The following UGT1A10 variants were observed in gnomAD, a reference collection of about 807,000 sequenced individuals.
The protein encoded by UGT1A10 is UDP glucuronosyltransferase family 1 member A10.
In UGT1A10, 49 loss-of-function variants were observed where a neutral mutation model predicts 45.8. The ratio of observed to expected loss-of-function variants is 1.07; its 90% CI spans 0.85 to 1.36. The LOEUF (loss-of-function observed/expected upper bound fraction) is 1.36. Among genes scored for constraint, UGT1A10 ranks in the 40% most tolerant of loss-of-function variants. The pLI is 0.00. For synonymous variants in UGT1A10, 284 were observed against 249.7 expected (o/e 1.14, Z -1.29); for missense variants, 745 against 668.6 (o/e 1.11, Z -1.26).
At chr2:233,678,492 TTA>T (rs2074418738) in intron 1 of UGT1A10, among the ~76,000 whole-genome samples, 1 of 152,138 alleles carries the variant, frequency 6.6e-6, no homozygotes, top group African/African-American at 2.4e-5. Context: ...TGGTGTAACC[TTA>T]TGGAAATACA....
intron 1 of UGT1A10, among the ~76,000 whole-genome samples, chr2:233,758,159 G>C (rs1281366344): frequency 2.6e-5 from 4 of 152,206 alleles, no homozygotes; most frequent in Non-Finnish European, 5.9e-5. Flanking sequence ...AATGGGTTCT[G>C]CTTTGGTTTC....
intron 1 of UGT1A10, among the ~76,000 whole-genome samples, chr2:233,751,459 G>C (rs1297643220): frequency 6.6e-6 from 1 of 152,208 alleles, no homozygotes; most frequent in Non-Finnish European, 1.5e-5. Context: ...TTGTTGGGAA[G>C]GCACGATTGG....
chr2:233,755,067 T>G, intron 1 of UGT1A10: 1 of 1,335,754 alleles, frequency 7.5e-7, no homozygotes, highest in Non-Finnish European at 1.0e-6. Context: ...CGCCTCGCCA[T>G]AGCGGTCATA....
chr2:233,763,634 G>A (rs185655809), intron 1 of UGT1A10, among the ~76,000 whole-genome samples: 42 of 152,196 alleles, frequency 2.8e-4, no homozygotes, highest in Admixed American at 6.5e-4. Flanking sequence ...TGTGTTGATG[G>A]TCCTATTCTC....
At chr2:233,743,417 G>C (rs1204856342) in intron 1 of UGT1A10, 2 of 1,334,558 alleles carry the variant, frequency 1.5e-6, no homozygotes, top group African/African-American at 1.5e-5. Flanking sequence ...CCACTTCCCA[G>C]GGAGCCAAAG....
rs964213148 is a variant in UGT1A10, at chr2:233,713,486, G to A, written c.856-53548G>A. The A allele has an allele frequency of 3.1e-6, 5 of 1,613,870 alleles. No individual in the cohort carries two copies. The Admixed American group carries it at 8.3e-5, about 27-fold the overall frequency. On this transcript the variant is annotated intron_variant, in intron 1 of 4. Coordinates refer to ENST00000344644, the MANE Select transcript of UGT1A10 (RefSeq NM_019075.4). ...GCGCGGCGGTGCTGGCTAAGTACCT[G>A]TCGATTCCTGCTGTGTTTTTCTTGA...
intron 1 of UGT1A10, chr2:233,719,286 C>A (rs1465114425): frequency 1.2e-6 from 2 of 1,614,082 alleles, no homozygotes; most frequent in Non-Finnish European, 1.7e-6. Context: ...CCCCGTTAAC[C>A]TCTGTGGGGC....
Position 233,637,344 on chromosome 2 carries a change from T to C in UGT1A10, c.822T>C (p.Gly274=). Reference sequence around the variant, plus strand: ...TGCCCAACATGATCTTCATTGGTGGTATCAACTGTCATCAGGGAAAGCCAT... The same window carrying C: ...TGCCCAACATGATCTTCATTGGTGGCATCAACTGTCATCAGGGAAAGCCAT... ...PVMPNMIFIG[G]INCHQGKPLP... is the part of the protein sequence containing the mutation. The change falls in exon 1 of 5, where the codon GGT becomes GGC. Residue 274 remains glycine (G), a synonymous_variant. Transcript: ENST00000344644. 6.2e-7 allele frequency: 1 copy of C among 1,613,900 alleles called. No homozygotes were observed. The highest frequency in any genetic ancestry group is 8.5e-7 in the Non-Finnish European group (1 of 1,179,812).
At chr2:233,647,909 G>A (rs1024220699) in intron 1 of UGT1A10, 34 of 1,583,482 alleles carry the variant, frequency 2.1e-5, no homozygotes, top group Non-Finnish European at 2.8e-5. Flanking sequence ...TAGCCTCCAG[G>A]GAAGGTAGAT....
At chr2:233,745,468 A>C (rs991715539) in intron 1 of UGT1A10, among the ~76,000 whole-genome samples, 2 of 151,704 alleles carry the variant, frequency 1.3e-5, no homozygotes, top group African/African-American at 4.9e-5. Context: ...TCTAAGGGGA[A>C]AATGATTAAC....
intron 1 of UGT1A10, chr2:233,713,304 C>T (rs200200998): frequency 6.2e-7 from 1 of 1,614,230 alleles, no homozygotes; most frequent in Non-Finnish European, 8.5e-7. Context: ...TGAAACAGAA[C>T]ATCTTCTGAT....
At chr2:233,644,691 C>T (rs1272150325) in intron 1 of UGT1A10, among the ~76,000 whole-genome samples, 1 of 152,196 alleles carries the variant, frequency 6.6e-6, no homozygotes, top group East Asian at 1.9e-4. Flanking sequence ...CCAATTGTCT[C>T]CCACCAGGGC....
At chr2:233,726,272 G>A (rs896187781) in intron 1 of UGT1A10, among the ~76,000 whole-genome samples, 1 of 152,166 alleles carries the variant, frequency 6.6e-6, no homozygotes, top group African/African-American at 2.4e-5. Flanking sequence ...ATGCGCCTAT[G>A]GTCCCAGGTA....
rs28898583 is a variant in UGT1A10, at chr2:233,699,673, G to A, written c.855+62296G>A. ...CCTGAATACAGGCTGAAACTTTCTCGCTGAGAGGTGATAAAAACAATGAAT... is the reference window on the plus strand; with the variant it reads ...CCTGAATACAGGCTGAAACTTTCTCACTGAGAGGTGATAAAAACAATGAAT... On this transcript the variant is annotated intron_variant, in intron 1 of 4. Coordinates refer to ENST00000344644, the MANE Select transcript of UGT1A10 (RefSeq NM_019075.4). Among the ~76,000 whole-genome samples, 368 of 152,258 alleles carry A rather than the reference G, an allele frequency of 2.4e-3. 1 individual carries two copies. The highest frequency in any genetic ancestry group is 8.3e-3 in the African/African-American group (344 of 41,534).
Position 233,768,224 on chromosome 2 carries a change from C to T in UGT1A10, c.1080C>T (p.His360=), listed in dbSNP as rs758090189. The change falls in exon 4 of 5, where the codon CAC becomes CAT. Residue 360 remains histidine (H), a synonymous_variant. Coordinates refer to ENST00000344644, the MANE Select transcript of UGT1A10 (RefSeq NM_019075.4). ...CCTCCCTATTTTGCATCTCAGGTCA[C>T]CCGATGACCCGTGCCTTTATCACCC... ...KWLPQNDLLG[H]PMTRAFITHA... is the part of the protein sequence containing the mutation. 13 of 1,614,174 alleles carry T rather than the reference C, an allele frequency of 8.1e-6. No individual in the cohort carries two copies. The highest frequency in any genetic ancestry group is 1.3e-5 in the African/African-American group (1 of 75,028).
intron 1 of UGT1A10, chr2:233,754,898 C>G: frequency 1.5e-6 from 2 of 1,351,858 alleles, no homozygotes; most frequent in Non-Finnish European, 2.0e-6. Context: ...TCCTCTGACC[C>G]CCCAAAATAT....
At position 233,772,256 on chromosome 2, in the gene UGT1A10, G is replaced by A; in HGVS notation, c.1296-6G>A. ...CCAGGCATAACGAAACTGTCTTTGTGTTTAGTTACAAGGAGAACATCATGC... is the reference window on the plus strand; with the variant it reads ...CCAGGCATAACGAAACTGTCTTTGTATTTAGTTACAAGGAGAACATCATGC... On this transcript the variant is annotated splice_polypyrimidine_tract_variant and splice_region_variant and intron_variant, in intron 4 of 4. Coordinates refer to ENST00000344644, the MANE Select transcript of UGT1A10 (RefSeq NM_019075.4). 1.9e-6 allele frequency: 3 copies of A among 1,614,262 alleles called. No homozygotes were observed. Among genetic ancestry groups the A allele is most frequent in the Non-Finnish European group, 2.5e-6 (3 of 1,180,048 alleles).
chr2:233,713,160 C>T (rs2076285885), intron 1 of UGT1A10: 1 of 1,614,074 alleles, frequency 6.2e-7, no homozygotes. Context: ...GAGAGGCCAC[C>T]AGGTGGTGGT....
intron 1 of UGT1A10, among the ~76,000 whole-genome samples, chr2:233,724,270 G>C (rs1404305230): frequency 7.4e-6 from 1 of 134,526 alleles, no homozygotes; most frequent in African/African-American, 2.8e-5. Context: ...CGGACGGGGC[G>C]GCTGGCCGGG....
Sources: allele counts gnomAD v4.1 joint callset (sites outside exome capture counted in the v4.1 genomes callset), GRCh38; gene constraint gnomAD v4.1.1; transcripts MANE v1.5; gene names NCBI Gene and HGNC (gene_info 2026-07-23, HGNC 2026-07-21).